Variants in CSMD1 observed in about 807,000 individuals in gnomAD.
CSMD1 encodes CUB and sushi domain-containing protein 1.
CSMD1 carries 213 observed loss-of-function variants against 417.5 expected under a neutral mutation model. The ratio of observed to expected loss-of-function variants is 0.51; its 90% CI spans 0.46 to 0.57. The LOEUF is 0.57. Among genes scored for constraint, CSMD1 ranks in the 20% least tolerant of loss-of-function variants. The pLI is 0.00. For missense variants in CSMD1, 6,923 were observed against 4,529.7 expected (o/e 1.53, Z -15.17); for synonymous variants, 2,862 against 1,736.8 (o/e 1.65, Z -16.11).
At chr8:4,003,758 A>G (rs1014863738) in intron 4 of CSMD1, among the ~76,000 whole-genome samples, 1 of 152,224 alleles carries the variant, frequency 6.6e-6, no homozygotes, top group Non-Finnish European at 1.5e-5. Flanking sequence ...GAGGGCTCAT[A>G]TACGCCGGCA....
At chr8:4,143,735 T>C (rs1300202884) in intron 3 of CSMD1, among the ~76,000 whole-genome samples, 1 of 150,992 alleles carries the variant, frequency 6.6e-6, no homozygotes, top group Admixed American at 6.6e-5. Context: ...GGAAGGAAGC[T>C]GTGAAAGGGG....
intron 1 of CSMD1, among the ~76,000 whole-genome samples, chr8:4,974,775 A>G (rs190301591): frequency 6.6e-6 from 1 of 152,248 alleles, no homozygotes; most frequent in African/African-American, 2.4e-5. Context: ...TTGAGCCTCA[A>G]ATCTTTGTCA....
At chr8:3,817,312 G>A (rs543976190) in intron 5 of CSMD1, among the ~76,000 whole-genome samples, 108 of 109,646 alleles carry the variant, frequency 9.8e-4, no homozygotes, top group Non-Finnish European at 1.5e-3. Flanking sequence ...ATGGAGTCTC[G>A]CTGTGTCACC....
intron 3 of CSMD1, among the ~76,000 whole-genome samples, chr8:4,195,620 G>C (rs894363941): frequency 1.9e-4 from 29 of 152,154 alleles, no homozygotes; most frequent in Admixed American, 1.9e-3. Flanking sequence ...ATATAAGGCT[G>C]CATCTTGCCT....
chr8:3,281,882 T>C (rs1400619909), intron 26 of CSMD1, among the ~76,000 whole-genome samples: 1 of 152,172 alleles, frequency 6.6e-6, no homozygotes, highest in Admixed American at 6.5e-5. Context: ...AATGGTTTAG[T>C]ACCATCCCCC....
intron 5 of CSMD1, among the ~76,000 whole-genome samples, chr8:3,929,999 G>T (rs566329700): frequency 5.3e-5 from 8 of 150,356 alleles, no homozygotes; most frequent in African/African-American, 2.0e-4. Context: ...CTATTTTATT[G>T]TTAATGCAAG....
intron 3 of CSMD1, among the ~76,000 whole-genome samples, chr8:4,062,659 A>T (rs544067163): frequency 7.9e-5 from 12 of 152,166 alleles, no homozygotes; most frequent in Non-Finnish European, 1.5e-4. Flanking sequence ...TCACGTGCAG[A>T]AACACAGATT....
chr8:4,641,128 G>C (rs189111366), intron 1 of CSMD1, among the ~76,000 whole-genome samples: 3 of 151,262 alleles, frequency 2.0e-5, no homozygotes, highest in Non-Finnish European at 4.4e-5. Flanking sequence ...ATACACATCT[G>C]TAATTGCATG....
intron 21 of CSMD1, among the ~76,000 whole-genome samples, chr8:3,356,907 C>A (rs1808832276): frequency 6.6e-6 from 1 of 152,076 alleles, no homozygotes; most frequent in Non-Finnish European, 1.5e-5. Context: ...AAGCACTGAC[C>A]AGGCTCTGTT....
chr8:4,441,594 A>G (rs1023893825), intron 2 of CSMD1, among the ~76,000 whole-genome samples: 1 of 152,280 alleles, frequency 6.6e-6, no homozygotes, highest in South Asian at 2.1e-4. Context: ...TATGTTCAAT[A>G]CATTTGATAA....
chr8:3,953,392 G>C (rs867659480), intron 5 of CSMD1, among the ~76,000 whole-genome samples: 5 of 152,102 alleles, frequency 3.3e-5, no homozygotes, highest in African/African-American at 1.2e-4. Context: ...TATATACTTA[G>C]ATATTCATGT....
intron 2 of CSMD1, among the ~76,000 whole-genome samples, chr8:4,423,485 T>C (rs933178126): frequency 2.0e-5 from 3 of 151,904 alleles, no homozygotes; most frequent in Non-Finnish European, 4.4e-5. Flanking sequence ...TCTGTATAAA[T>C]ACAATAAGAT....
intron 10 of CSMD1, among the ~76,000 whole-genome samples, chr8:3,507,637 C>T (rs148899549): frequency 0.03 from 4,599 of 152,304 alleles, 103 homozygotes; most frequent in Non-Finnish European, 0.046. Context: ...TAAAAGTGTT[C>T]CTATCTCTCC....
At chr8:4,702,274 A>C (rs1807611085) in intron 1 of CSMD1, among the ~76,000 whole-genome samples, 2 of 152,160 alleles carry the variant, frequency 1.3e-5, no homozygotes, top group Non-Finnish European at 2.9e-5. Context: ...TAAAAATAAA[A>C]AATCAACAGG....
chr8:4,827,749 T>C (rs1349880947), intron 1 of CSMD1, among the ~76,000 whole-genome samples: 3 of 152,128 alleles, frequency 2.0e-5, no homozygotes, highest in African/African-American at 7.2e-5. Context: ...ACTGTTATTT[T>C]CCCCCAAAGG....
chr8:4,132,459 AACTTTT>A (rs1329218436), intron 3 of CSMD1, among the ~76,000 whole-genome samples: 8 of 152,290 alleles, frequency 5.3e-5, no homozygotes, highest in African/African-American at 1.7e-4. Flanking sequence ...AATTCCATTT[AACTTTT>A]ACTTTAACAG....
intron 5 of CSMD1, among the ~76,000 whole-genome samples, chr8:3,990,581 C>G (rs1814667629): frequency 6.6e-6 from 1 of 152,188 alleles, no homozygotes; most frequent in African/African-American, 2.4e-5. Flanking sequence ...TCCCAAATTT[C>G]AAATACGTAT....
intron 7 of CSMD1, among the ~76,000 whole-genome samples, chr8:3,699,651 G>A (rs1252734112): frequency 1.3e-5 from 2 of 152,136 alleles, no homozygotes; most frequent in African/African-American, 2.4e-5. Context: ...ACAGCACTCT[G>A]TGTGACAAAT....
chr8:3,157,771 A>C, intron 39 of CSMD1, 126 bp downstream of exon 39: 1 of 717,254 alleles, frequency 1.4e-6, no homozygotes, highest in East Asian at 2.8e-5. Flanking sequence ...ATTATGTGCT[A>C]TTAGTATATA....
Sources: allele counts gnomAD v4.1 joint callset (sites outside exome capture counted in the v4.1 genomes callset), GRCh38; gene constraint gnomAD v4.1.1; transcripts MANE v1.5; gene names NCBI Gene and HGNC (gene_info 2026-07-23, HGNC 2026-07-21).